Variants in SLC9A4 observed in about 807,000 individuals in gnomAD.
SLC9A4 encodes the protein sodium/hydrogen exchanger 4.
A neutral mutation model predicts 67.4 loss-of-function variants in SLC9A4; 63 were observed. That is an observed-to-expected ratio of 0.93 (90% CI 0.76 to 1.15). The LOEUF (loss-of-function observed/expected upper bound fraction) is 1.15. Among genes scored for constraint, SLC9A4 ranks in the 50% most tolerant of loss-of-function variants. The pLI is 0.00. For synonymous variants in SLC9A4, 393 were observed against 367.2 expected, an observed-to-expected ratio of 1.07 and a Z score of -0.80; for missense variants, 1,089 against 987.7, an observed-to-expected ratio of 1.10 and a Z score of -1.38.
intron 9 of SLC9A4, among the ~76,000 whole-genome samples, chr2:102,522,257 A>G (rs1432944262): frequency 3.3e-5 from 5 of 152,148 alleles, no homozygotes; most frequent in South Asian, 2.1e-4. Context: ...GGAAAAGAGC[A>G]ATTTCAGTTT....
intron 2 of SLC9A4, among the ~76,000 whole-genome samples, chr2:102,498,708 C>A (rs1176713919): frequency 1.3e-5 from 2 of 152,222 alleles, no homozygotes; most frequent in African/African-American, 4.8e-5. Context: ...AGTCAAGACA[C>A]AACCACTGAG....
chr2:102,531,997 C>A (rs1397446899), intron 11 of SLC9A4, among the ~76,000 whole-genome samples: 2 of 152,188 alleles, frequency 1.3e-5, no homozygotes, highest in East Asian at 3.9e-4. Context: ...TGGACAAGAC[C>A]AAGCATCTTT....
chr2:102,519,921 T>G lies in SLC9A4; in HGVS notation c.1784T>G (p.Ile595Ser). The G allele has an allele frequency of 6.2e-7, 1 of 1,613,778 alleles. No individual in the cohort carries two copies. Among genetic ancestry groups the G allele is most frequent in the Middle Eastern group, 1.7e-4 (1 of 6,056 alleles). The change falls in exon 9 of 12, where the codon ATT becomes AGT. Residue 595 changes from isoleucine to serine, a missense_variant. By Grantham distance (142) the Ile-to-Ser change is moderately radical. Coordinates refer to ENST00000295269, the MANE Select transcript of SLC9A4 (RefSeq NM_001011552.4). Reference sequence around the variant, plus strand: ...GAAGATGTGGAGTCCATAAGGGACATTCTGACATCCAACATGTACCAAGTT... The same window carrying G: ...GAAGATGTGGAGTCCATAAGGGACAGTCTGACATCCAACATGTACCAAGTT... ...SPEDVESIRD[I>S]LTSNMYQVRQ...
At chr2:102,513,974 C>T in intron 7 of SLC9A4, 116 bp from the exon 8 acceptor site, 1 of 1,382,090 alleles carries the variant, frequency 7.2e-7, no homozygotes, top group Non-Finnish European at 9.6e-7. Flanking sequence ...AGGCACTGTC[C>T]TGATGTTTCT....
intron 2 of SLC9A4, among the ~76,000 whole-genome samples, chr2:102,500,514 C>A (rs916712764): frequency 6.6e-6 from 1 of 152,052 alleles, no homozygotes; most frequent in Non-Finnish European, 1.5e-5. Context: ...TAGCAGAGGG[C>A]CACTGTGCAA....
chr2:102,497,552 A>G (rs1684834980), intron 2 of SLC9A4, among the ~76,000 whole-genome samples: 1 of 152,224 alleles, frequency 6.6e-6, no homozygotes, highest in African/African-American at 2.4e-5. Context: ...CAACTCAAAA[A>G]CATCATGCTG....
chr2:102,513,749 C>T (rs1237027822), intron 7 of SLC9A4, among the ~76,000 whole-genome samples: 2 of 152,226 alleles, frequency 1.3e-5, no homozygotes, highest in African/African-American at 4.8e-5. Flanking sequence ...CTTCAGCCCC[C>T]TCATTTCTTC....
At chr2:102,508,804 C>A in intron 5 of SLC9A4, 43 bp from the exon 6 acceptor site, 1 of 1,510,378 alleles carries the variant, frequency 6.6e-7, no homozygotes, top group Non-Finnish European at 9.1e-7. Flanking sequence ...TAGTGACAGT[C>A]TTCATTACAA....
chr2:102,473,807 A>G lies in SLC9A4; in HGVS notation c.48A>G (p.Leu16=), dbSNP rs777183787. ...CTTACAGTCCTTGGAATTGTTTGCTACTGCTAGTGGCTCTTGAGTGTTCTG... is the reference window on the plus strand; with the variant it reads ...CTTACAGTCCTTGGAATTGTTTGCTGCTGCTAGTGGCTCTTGAGTGTTCTG... The part of the protein sequence containing the change: ...FVTYSPWNCL[L]LLVALECSEA... The change falls in exon 1 of 12, where the codon CTA becomes CTG. Residue 16 remains leucine (L), a synonymous_variant. Transcript: ENST00000295269. The G allele has an allele frequency of 6.2e-7, 1 of 1,613,990 alleles. No individual in the cohort carries two copies. Among genetic ancestry groups the G allele is most frequent in the Non-Finnish European group, 8.5e-7 (1 of 1,179,960 alleles).
chr2:102,505,266 C>A lies in SLC9A4; in HGVS notation c.993C>A (p.Cys331Ter), dbSNP rs747211572. ...GCTCCTTTTATAGAATCACAGCCTG[C>A]GCAGTAACAATGAAAAAGTACGTGG... ...YLSGILAITA[C>*]AVTMKKYVEE... Residue 331 changes from cysteine (C) to a stop codon, truncating the protein, a stop_gained, in exon 4 of 12, where the codon TGC becomes TGA. Coordinates refer to ENST00000295269, the MANE Select transcript of SLC9A4 (RefSeq NM_001011552.4). LOFTEE classifies it high-confidence loss of function. 18 of 1,613,746 alleles carry A rather than the reference C, an allele frequency of 1.1e-5. No individual in the cohort carries two copies. Among genetic ancestry groups the A allele is most frequent in the Non-Finnish European group, 1.4e-5 (16 of 1,179,938 alleles).
Position 102,533,732 on chromosome 2 carries a change from GA to G in SLC9A4, c.*1046del, listed in dbSNP as rs1674827947. On this transcript the variant is annotated 3_prime_UTR_variant, in exon 12 of 12. Transcript: ENST00000295269. Reference sequence around the variant, plus strand: ...TTGTTCAATTCCCACCTATGAGTGAGAATATGCGGTGTTTGGTTTTTTGTTC... The same window carrying G: ...TTGTTCAATTCCCACCTATGAGTGAGATATGCGGTGTTTGGTTTTTTGTTC... 1 of 147,056 alleles carries G rather than the reference GA, an allele frequency of 6.8e-6. No homozygotes were observed. Among genetic ancestry groups the G allele is most frequent in the African/African-American group, 2.5e-5 (1 of 39,684 alleles). The allele number at this position is 147,056 out of a possible 1,614,324, so 9.1% of individuals were successfully genotyped here.
chr2:102,530,556 T>C (rs1358179590), intron 11 of SLC9A4, among the ~76,000 whole-genome samples: 1 of 152,182 alleles, frequency 6.6e-6, no homozygotes, highest in Admixed American at 6.5e-5. Context: ...CACTGTAAAA[T>C]AACCCAGAGG....
intron 7 of SLC9A4, among the ~76,000 whole-genome samples, chr2:102,513,199 T>C (rs1291276306): frequency 6.6e-6 from 1 of 152,074 alleles, no homozygotes; most frequent in African/African-American, 2.4e-5. Context: ...ATCGACCCAG[T>C]TGGAATAAGA....
intron 2 of SLC9A4, among the ~76,000 whole-genome samples, chr2:102,499,206 C>T (rs1558664639): frequency 6.6e-6 from 1 of 152,118 alleles, no homozygotes; most frequent in Non-Finnish European, 1.5e-5. Context: ...AGATGGGCAT[C>T]CCTGCAGTTA....
At chr2:102,517,096 T>C (rs974157403) in intron 8 of SLC9A4, among the ~76,000 whole-genome samples, 2 of 152,212 alleles carry the variant, frequency 1.3e-5, no homozygotes, top group African/African-American at 4.8e-5. Flanking sequence ...GATGCCATTT[T>C]TCACTTCCAC....
chr2:102,532,875 G>A lies in SLC9A4; in HGVS notation c.*187G>A, dbSNP rs895756358. On this transcript the variant is annotated 3_prime_UTR_variant, in exon 12 of 12. Coordinates refer to ENST00000295269, the MANE Select transcript of SLC9A4 (RefSeq NM_001011552.4). ...GGAGCAAACTTGCAGGCTCTGCCAT[G>A]TACTTATTGTGGGGTACCTTTAGAT... 4 of 567,356 alleles carry A rather than the reference G, an allele frequency of 7.1e-6. No individual in the cohort carries two copies. Among genetic ancestry groups the A allele is most frequent in the African/African-American group, 5.6e-5 (3 of 53,412 alleles). 35.1% of individuals were successfully genotyped at this position (567,356 alleles called of 1,614,324 possible).
intron 9 of SLC9A4, among the ~76,000 whole-genome samples, chr2:102,522,838 T>A (rs947978828): frequency 4.6e-5 from 7 of 152,196 alleles, no homozygotes; most frequent in African/African-American, 1.7e-4. Flanking sequence ...AAATTCAACT[T>A]CTTGGGGCAA....
chr2:102,527,583 T>C (rs1423288294), intron 11 of SLC9A4, among the ~76,000 whole-genome samples: 2 of 152,194 alleles, frequency 1.3e-5, no homozygotes, highest in Non-Finnish European at 2.9e-5. Context: ...ATTACTCCCT[T>C]AGTATATTTT....
intron 2 of SLC9A4, among the ~76,000 whole-genome samples, chr2:102,481,093 G>A (rs1684452256): frequency 6.6e-6 from 1 of 152,172 alleles, no homozygotes. Flanking sequence ...AGGGTGGTTT[G>A]GCTGGGGCAC....
Sources: allele counts gnomAD v4.1 joint callset (sites outside exome capture counted in the v4.1 genomes callset), GRCh38; gene constraint gnomAD v4.1.1; transcripts MANE v1.5; gene names NCBI Gene and HGNC (gene_info 2026-07-23, HGNC 2026-07-21).